Variants in RIMS1 observed in about 807,000 individuals in gnomAD.
The protein encoded by RIMS1 is regulating synaptic membrane exocytosis 1.
Under a neutral mutation model 214.1 loss-of-function variants are expected in RIMS1, and 83 were observed. The ratio of observed to expected loss-of-function variants is 0.39; its 90% confidence interval spans 0.32 to 0.47. The LOEUF is 0.47. RIMS1 is among the 20% of genes least tolerant of loss of function. The pLI, the probability that RIMS1 is intolerant of heterozygous loss-of-function variation, is 0.99. For synonymous variants in RIMS1, 793 were observed against 786.8 expected (o/e 1.01, Z -0.13); for missense variants, 2,050 against 2,161.8 (o/e 0.95, Z 1.03).
chr6:71,947,537 G>T (rs1200411969), intron 1 of RIMS1, among the ~76,000 whole-genome samples: 1 of 152,114 alleles, frequency 6.6e-6, no homozygotes, highest in Non-Finnish European at 1.5e-5. Context: ...ATTATCAGAA[G>T]TTGGGGTGAG....
At position 72,258,249 on chromosome 6, in the gene RIMS1, G is replaced by A. The variant is rs41265493; in HGVS notation, c.2895G>A (p.Pro965=). 0.011 allele frequency: 17,530 copies of A among 1,613,340 alleles called. 129 individuals are homozygous for A. Among genetic ancestry groups the A allele is most frequent in the Middle Eastern group, 0.02 (124 of 6,054 alleles). Residue 965 remains proline, a synonymous_variant, in exon 17 of 34, where the codon CCG becomes CCA. Transcript: ENST00000521978. ...ATCGCGGCAATGATCAGGGAAAGCC[G>A]CGTTCACGTTTACCAAATGTGCCAT... The part of the protein sequence containing the change: ...SPHRGNDQGK[P]RSRLPNVPLQ...
chr6:71,921,720 T>G (rs1321168516), intron 1 of RIMS1, among the ~76,000 whole-genome samples: 2 of 152,216 alleles, frequency 1.3e-5, no homozygotes, highest in Non-Finnish European at 2.9e-5. Flanking sequence ...TATAGCATAC[T>G]TCCTCTAGTG....
chr6:72,075,953 A>C (rs910307332), intron 2 of RIMS1, among the ~76,000 whole-genome samples: 1 of 152,216 alleles, frequency 6.6e-6, no homozygotes, highest in African/African-American at 2.4e-5. Flanking sequence ...AAAAGAAATA[A>C]AAAAATTCTC....
intron 15 of RIMS1, 44 bp downstream of exon 15, chr6:72,251,412 A>G: frequency 2.2e-6 from 3 of 1,380,950 alleles, no homozygotes; most frequent in Non-Finnish European, 3.0e-6. Flanking sequence ...ATTATGCTGT[A>G]ATGATCTAAT....
chr6:72,390,891 T>TAC, intron 30 of RIMS1, 155 bp downstream of exon 30: 1 of 752,774 alleles, frequency 1.3e-6, no homozygotes, highest in Non-Finnish European at 2.1e-6. Flanking sequence ...TATAAGTAAG[T>TAC]ACACATGGAC....
chr6:72,148,502 A>C (rs1430860908), intron 4 of RIMS1: 1 of 434,046 alleles, frequency 2.3e-6, no homozygotes, highest in African/African-American at 2.0e-5. Context: ...GAAGGCCTAG[A>C]GGGTAGGATT....
At chr6:72,349,218 T>C (rs1276370670) in intron 29 of RIMS1, among the ~76,000 whole-genome samples, 1 of 152,046 alleles carries the variant, frequency 6.6e-6, no homozygotes, top group East Asian at 1.9e-4. Context: ...AGACTTTATG[T>C]TCTAGGTCTA....
intron 2 of RIMS1, among the ~76,000 whole-genome samples, chr6:72,049,124 G>C (rs1053724142): frequency 1.3e-5 from 2 of 152,208 alleles, no homozygotes; most frequent in African/African-American, 2.4e-5. Flanking sequence ...ACCAAGATCA[G>C]AATTCAAGTT....
intron 1 of RIMS1, among the ~76,000 whole-genome samples, chr6:71,909,169 G>A (rs1292410257): frequency 6.6e-6 from 1 of 151,912 alleles, no homozygotes; most frequent in Non-Finnish European, 1.5e-5. Flanking sequence ...TTCTTTTCTT[G>A]TATTTTTAGT....
intron 2 of RIMS1, among the ~76,000 whole-genome samples, chr6:71,973,076 C>A (rs537881444): frequency 8.8e-4 from 134 of 152,126 alleles, no homozygotes; most frequent in Middle Eastern, 3.4e-3. Flanking sequence ...CACCCAGCTA[C>A]TTTTTGTATT....
intron 2 of RIMS1, among the ~76,000 whole-genome samples, chr6:72,073,628 G>T (rs1171452833): frequency 6.6e-6 from 1 of 152,160 alleles, no homozygotes; most frequent in African/African-American, 2.4e-5. Context: ...ATTTCACAAA[G>T]GGAAGCATGT....
intron 23 of RIMS1, among the ~76,000 whole-genome samples, chr6:72,280,091 A>G (rs1026948165): frequency 4.6e-5 from 7 of 151,866 alleles, no homozygotes; most frequent in Admixed American, 3.3e-4. Context: ...TTATAGCCCT[A>G]GTTAGTTCTT....
intron 23 of RIMS1, among the ~76,000 whole-genome samples, chr6:72,277,516 A>G (rs1208769826): frequency 1.3e-5 from 2 of 151,664 alleles, no homozygotes; most frequent in Non-Finnish European, 2.9e-5. Context: ...CGGGAGGCGG[A>G]GCTTGCAGTG....
chr6:72,122,708 G>A (rs2038663707), intron 4 of RIMS1, among the ~76,000 whole-genome samples: 1 of 151,734 alleles, frequency 6.6e-6, no homozygotes, highest in African/African-American at 2.4e-5. Context: ...GCCTTCGGAA[G>A]GTGTATGTGT....
intron 29 of RIMS1, among the ~76,000 whole-genome samples, chr6:72,347,008 C>T (rs1262898909): frequency 1.3e-5 from 2 of 151,830 alleles, no homozygotes; most frequent in East Asian, 3.9e-4. Context: ...TCATTGTTCT[C>T]TGCTTCTCAG....
At chr6:72,222,748 G>A (rs564179722) in intron 6 of RIMS1, among the ~76,000 whole-genome samples, 1 of 152,230 alleles carries the variant, frequency 6.6e-6, no homozygotes, top group South Asian at 2.1e-4. Context: ...GGGCTATAAA[G>A]GGATTTCATC....
chr6:71,941,718 C>A (rs1786209529), intron 1 of RIMS1, among the ~76,000 whole-genome samples: 2 of 152,142 alleles, frequency 1.3e-5, no homozygotes, highest in Non-Finnish European at 2.9e-5. Flanking sequence ...GCTTCTCTGC[C>A]CAGATTCTTC....
chr6:72,388,458 C>A (rs755435150), intron 29 of RIMS1, among the ~76,000 whole-genome samples: 4 of 152,126 alleles, frequency 2.6e-5, no homozygotes, highest in African/African-American at 9.7e-5. Context: ...TTTGGATTTT[C>A]ATTTTACTTT....
At chr6:72,045,782 G>T (rs1822828689) in intron 2 of RIMS1, among the ~76,000 whole-genome samples, 1 of 150,388 alleles carries the variant, frequency 6.6e-6, no homozygotes. Context: ...GATGTTTATT[G>T]GCCATTTATA....
Sources: allele counts gnomAD v4.1 joint callset (sites outside exome capture counted in the v4.1 genomes callset), GRCh38; gene constraint gnomAD v4.1.1; transcripts MANE v1.5; gene names NCBI Gene and HGNC (gene_info 2026-07-23, HGNC 2026-07-21).